The following PDE1C variants were observed in gnomAD, a reference collection of about 807,000 sequenced individuals.
The protein encoded by PDE1C is phosphodiesterase 1C, also known as dual specificity calcium/calmodulin-dependent 3',5'-cyclic nucleotide phosphodiesterase 1C.
PDE1C carries 62 observed loss-of-function variants against 93.1 expected under a neutral mutation model. The ratio of observed to expected loss-of-function variants is 0.67; its 90% CI spans 0.54 to 0.82. The LOEUF (loss-of-function observed/expected upper bound fraction) is 0.82, where lower values mean the gene tolerates loss of function less well. Among genes scored for constraint, PDE1C ranks in the 40% least tolerant of loss-of-function variants. The probability of loss-of-function intolerance (pLI) is 0.00; values close to 1 mark genes in which losing one functional copy is unlikely to be tolerated. For synonymous variants in PDE1C, 325 were observed against 310.1 expected, an observed-to-expected ratio of 1.05 and a Z score of -0.50; for missense variants, 742 against 884.6, an observed-to-expected ratio of 0.84 and a Z score of 2.04.
chr7:32,207,161 G>T (rs2128838308), intron 2 of PDE1C, among the ~76,000 whole-genome samples: 1 of 152,156 alleles, frequency 6.6e-6, no homozygotes, highest in South Asian at 2.1e-4. Flanking sequence ...ACCACCAGAA[G>T]CAGCCCTTCC....
the PDE1C span, among the ~76,000 whole-genome samples, chr7:31,706,984 G>A: frequency 6.6e-6 from 1 of 152,160 alleles, no homozygotes; most frequent in Non-Finnish European, 1.5e-5. Flanking sequence ...TCCAGGTGGT[G>A]CATCCCTTTG....
intron 2 of PDE1C, among the ~76,000 whole-genome samples, chr7:31,894,541 T>A (rs182145115): frequency 1.9e-4 from 29 of 152,354 alleles, no homozygotes; most frequent in Admixed American, 1.8e-3. Context: ...GACTTTTGGC[T>A]CTGGGCTATT....
intron 6 of PDE1C, among the ~76,000 whole-genome samples, chr7:31,872,012 G>T (rs928556928): frequency 5.4e-5 from 8 of 149,380 alleles, no homozygotes; most frequent in Non-Finnish European, 8.9e-5. Flanking sequence ...AGGAAAACTT[G>T]GTATACAACC....
intron 1 of PDE1C, among the ~76,000 whole-genome samples, chr7:32,286,165 TATAAAGTC>T (rs1811985999): frequency 6.6e-6 from 1 of 152,210 alleles, no homozygotes; most frequent in Non-Finnish European, 1.5e-5. Flanking sequence ...GTTTCCCGCT[TATAAAGTC>T]ATAAACTCTC....
chr7:31,748,793 C>T (rs1043189572), downstream of PDE1C, among the ~76,000 whole-genome samples: 1 of 152,214 alleles, frequency 6.6e-6, no homozygotes, highest in African/African-American at 2.4e-5. Context: ...CCACTCCCAC[C>T]CTCAGTCCCA....
At chr7:32,359,554 C>T (rs215700) in intron 1 of PDE1C, among the ~76,000 whole-genome samples, 31,537 of 152,220 alleles carry the variant, frequency 0.21, 4,025 homozygotes, top group Non-Finnish European at 0.28. Context: ...ATAGTAAGTG[C>T]TCGGTTAACA....
chr7:31,824,857 C>T lies in PDE1C; in HGVS notation c.1406+10G>A. ...AACCTCACCCTCAGCCCTCAAGCTT[C>T]CCCACTGACCTCGAACGCCTCTGTC... is the stretch of plus-strand genomic sequence containing the variant. On this transcript the variant is annotated intron_variant, in intron 13 of 17. Transcript: ENST00000396191. The T allele has an allele frequency of 6.2e-7, 1 of 1,612,292 alleles. No individual in the cohort carries two copies. The highest frequency in any genetic ancestry group is 1.3e-5 in the African/African-American group (1 of 74,942).
At chr7:32,237,083 CTTTT>C (rs34122130) in intron 1 of PDE1C, among the ~76,000 whole-genome samples, 1 of 121,942 alleles carries the variant, frequency 8.2e-6, no homozygotes, top group Non-Finnish European at 1.7e-5. Flanking sequence ...ATGTAATATT[CTTTT>C]TTTTTTTTTT....
chr7:31,934,425 T>A (rs2128987320), intron 2 of PDE1C, among the ~76,000 whole-genome samples: 3 of 152,302 alleles, frequency 2.0e-5, no homozygotes, highest in Non-Finnish European at 4.4e-5. Flanking sequence ...GTAATCCTTG[T>A]CATTCATTCC....
At position 32,362,104 on chromosome 7, in the gene PDE1C, G is replaced by A. The variant is rs1463785921; in HGVS notation, c.310+65718C>T. Among the ~76,000 whole-genome samples the A allele has an allele frequency of 3.3e-5, 5 of 152,304 alleles. No homozygotes were observed. In the South Asian group the frequency reaches 6.2e-4, roughly 19 times the overall value. On this transcript the variant is annotated intron_variant, in intron 1 of 1. Transcript: ENST00000672256. ...CAGAGGAGGGCGCTCCCCCAGGGCGGGGAGAACGATGGGGTCAGGCAAATT... is the reference window on the plus strand; with the variant it reads ...CAGAGGAGGGCGCTCCCCCAGGGCGAGGAGAACGATGGGGTCAGGCAAATT...
At chr7:31,722,789 G>T in the PDE1C span, among the ~76,000 whole-genome samples, 5 of 152,284 alleles carry the variant, frequency 3.3e-5, no homozygotes, top group East Asian at 9.7e-4. Flanking sequence ...GAAGCAGGGG[G>T]ATGGTATGAG....
chr7:31,872,994 T>C (rs891558063), intron 6 of PDE1C, among the ~76,000 whole-genome samples: 3 of 152,164 alleles, frequency 2.0e-5, no homozygotes, highest in African/African-American at 7.2e-5. Flanking sequence ...AATGAGACCT[T>C]TGGGCAGAGC....
chr7:32,087,456 G>T (rs1279122235), intron 3 of PDE1C, among the ~76,000 whole-genome samples: 1 of 151,874 alleles, frequency 6.6e-6, no homozygotes, highest in African/African-American at 2.4e-5. Context: ...TTCCTCAGGG[G>T]TCTAGAACTA....
chr7:31,880,704 T>G (rs200069728), intron 3 of PDE1C, 43 bp downstream of exon 3: 1 of 1,193,610 alleles, frequency 8.4e-7, no homozygotes, highest in East Asian at 2.4e-5. Flanking sequence ...TAAGAGAAAA[T>G]TTACTATCAC....
At chr7:31,983,177 T>C (rs1018351475) in intron 2 of PDE1C, among the ~76,000 whole-genome samples, 1 of 152,224 alleles carries the variant, frequency 6.6e-6, no homozygotes, top group Admixed American at 6.5e-5. Flanking sequence ...GGCTAAGTGA[T>C]GACAGAAACA....
At chr7:32,143,552 G>C (rs573888674) in intron 3 of PDE1C, among the ~76,000 whole-genome samples, 5 of 151,904 alleles carry the variant, frequency 3.3e-5, no homozygotes, top group South Asian at 2.1e-4. Context: ...TGTCTGGGGG[G>C]CTACCATATA....
At chr7:32,109,309 G>C (rs1798517489) in intron 3 of PDE1C, among the ~76,000 whole-genome samples, 1 of 152,194 alleles carries the variant, frequency 6.6e-6, no homozygotes, top group African/African-American at 2.4e-5. Context: ...TAATCACAGA[G>C]AGATGGATTT....
At chr7:31,916,667 G>A (rs1009114429) in intron 2 of PDE1C, among the ~76,000 whole-genome samples, 2 of 152,202 alleles carry the variant, frequency 1.3e-5, no homozygotes, top group African/African-American at 4.8e-5. Flanking sequence ...ACCAGGTCCT[G>A]CTTTAGGTGT....
chr7:31,642,561 C>T, the PDE1C span: 1 of 873,332 alleles, frequency 1.1e-6, no homozygotes, highest in East Asian at 2.7e-5. Context: ...AGATGCAAAA[C>T]CTGATGTTGC....
Sources: allele counts gnomAD v4.1 joint callset (sites outside exome capture counted in the v4.1 genomes callset), GRCh38; gene constraint gnomAD v4.1.1; transcripts MANE v1.5; gene names NCBI Gene and HGNC (gene_info 2026-07-23, HGNC 2026-07-21).